Variants in ADAM18 observed in about 807,000 individuals in gnomAD.
The protein encoded by ADAM18 is disintegrin and metalloproteinase domain-containing protein 18.
Under a neutral mutation model 94.4 loss-of-function variants are expected in ADAM18, and 117 were observed. That is an observed-to-expected ratio of 1.24 (90% CI 1.07 to 1.45). The LOEUF (loss-of-function observed/expected upper bound fraction) is 1.45. Ranked by LOEUF, ADAM18 falls within the 40% of genes most tolerant of loss-of-function variation. The pLI is 0.00. For synonymous variants in ADAM18, 327 were observed against 291.6 expected, an observed-to-expected ratio of 1.12 and a Z score of -1.24; for missense variants, 936 against 880.0, an observed-to-expected ratio of 1.06 and a Z score of -0.81.
chr8:39,716,943 T>C (rs955795324), intron 18 of ADAM18, among the ~76,000 whole-genome samples: 1 of 151,956 alleles, frequency 6.6e-6, no homozygotes, highest in African/African-American at 2.4e-5. Context: ...ACATAAAGAC[T>C]TTGTCTACTG....
At chr8:39,660,053 A>G (rs201101961) in intron 12 of ADAM18, among the ~76,000 whole-genome samples, 1 of 152,266 alleles carries the variant, frequency 6.6e-6, no homozygotes. Flanking sequence ...TAACTATAAG[A>G]TATTTTATGT....
chr8:39,593,437 A>G (rs1818639059), intron 2 of ADAM18, among the ~76,000 whole-genome samples: 1 of 152,174 alleles, frequency 6.6e-6, no homozygotes, highest in African/African-American at 2.4e-5. Context: ...CGAGTAGCCA[A>G]AGCAATACTG....
intron 12 of ADAM18, among the ~76,000 whole-genome samples, chr8:39,649,187 T>C (rs2129579623): frequency 6.6e-6 from 1 of 152,156 alleles, no homozygotes; most frequent in East Asian, 1.9e-4. Flanking sequence ...CACGAATTCC[T>C]CCTCCCTACA....
At chr8:39,711,935 A>C (rs1822415141) in intron 18 of ADAM18, among the ~76,000 whole-genome samples, 1 of 152,104 alleles carries the variant, frequency 6.6e-6, no homozygotes, top group African/African-American at 2.4e-5. Context: ...CAAACAGGAC[A>C]AATTCAGGGC....
At chr8:39,698,470 C>T (rs575182352) in intron 17 of ADAM18, among the ~76,000 whole-genome samples, 16 of 151,784 alleles carry the variant, frequency 1.1e-4, no homozygotes, top group Admixed American at 3.3e-4. Flanking sequence ...GTATTGACAC[C>T]CAGCTAGTGT....
At chr8:39,586,798 ATC>A (rs1563263582) in intron 2 of ADAM18, among the ~76,000 whole-genome samples, 2 of 138,064 alleles carry the variant, frequency 1.4e-5, no homozygotes, top group South Asian at 2.3e-4. Context: ...CTATCTATCT[ATC>A]TATATCTATC....
intron 12 of ADAM18, among the ~76,000 whole-genome samples, chr8:39,660,280 G>A (rs1014566616): frequency 6.6e-6 from 1 of 152,088 alleles, no homozygotes; most frequent in African/African-American, 2.4e-5. Flanking sequence ...AAATGGATTC[G>A]ATTATTGAAT....
At chr8:39,729,375 G>C (rs908987787) in intron 19 of ADAM18, among the ~76,000 whole-genome samples, 1 of 152,090 alleles carries the variant, frequency 6.6e-6, no homozygotes, top group African/African-American at 2.4e-5. Context: ...TAAGGAAATT[G>C]TGAAAAAATT....
intron 12 of ADAM18, among the ~76,000 whole-genome samples, chr8:39,657,611 T>C (rs888288588): frequency 6.6e-6 from 1 of 152,184 alleles, no homozygotes; most frequent in Non-Finnish European, 1.5e-5. Flanking sequence ...CCACAGTGCC[T>C]GGCCTAGTTA....
chr8:39,657,262 A>T (rs943768141), intron 12 of ADAM18, among the ~76,000 whole-genome samples: 2 of 152,218 alleles, frequency 1.3e-5, no homozygotes, highest in African/African-American at 4.8e-5. Context: ...AAAAGTCAAG[A>T]TCACATTTCC....
At chr8:39,659,738 C>A (rs1351157384) in intron 12 of ADAM18, among the ~76,000 whole-genome samples, 1 of 151,956 alleles carries the variant, frequency 6.6e-6, no homozygotes, top group Non-Finnish European at 1.5e-5. Context: ...TATCTAATAG[C>A]AAGGGAACTT....
At chr8:39,673,379 T>A (rs1245347852) in intron 14 of ADAM18, among the ~76,000 whole-genome samples, 1 of 152,148 alleles carries the variant, frequency 6.6e-6, no homozygotes, top group Non-Finnish European at 1.5e-5. Context: ...GCAGGTTTGA[T>A]ACATAGATAT....
intron 7 of ADAM18, among the ~76,000 whole-genome samples, chr8:39,633,533 G>C (rs988675457): frequency 9.2e-5 from 14 of 152,128 alleles, no homozygotes; most frequent in African/African-American, 2.9e-4. Context: ...AGCTCAGATG[G>C]AAGTGAGGTC....
chr8:39,632,526 A>G (rs560536449), intron 7 of ADAM18, among the ~76,000 whole-genome samples: 38 of 152,222 alleles, frequency 2.5e-4, no homozygotes, highest in African/African-American at 8.2e-4. Flanking sequence ...ATCACATTTT[A>G]ATCAATTTTT....
At chr8:39,634,381 A>G (rs1199955639) in intron 7 of ADAM18, among the ~76,000 whole-genome samples, 2 of 152,154 alleles carry the variant, frequency 1.3e-5, no homozygotes, top group Middle Eastern at 3.2e-3. Context: ...ACAACACCCC[A>G]GAACTATAGA....
chr8:39,606,621 G>A (rs953122705), intron 3 of ADAM18, among the ~76,000 whole-genome samples: 4 of 152,058 alleles, frequency 2.6e-5, no homozygotes, highest in Non-Finnish European at 5.9e-5. Flanking sequence ...CATATAAGCC[G>A]TTGAACCCAA....
chr8:39,661,157 T>C lies in ADAM18; in HGVS notation c.1231-2638T>C, dbSNP rs796309413. Reference sequence around the variant, plus strand: ...AAAACAACTGTTTCTTCTTCTTCTTTTTTTTTTTTTTTTTTGAGGGAGTCT... The same window carrying C: ...AAAACAACTGTTTCTTCTTCTTCTTCTTTTTTTTTTTTTTTGAGGGAGTCT... On this transcript the variant is annotated intron_variant, in intron 12 of 19. Transcript: ENST00000265707. Among the ~76,000 whole-genome samples the C allele has an allele frequency of 7.7e-3, 1,102 of 143,816 alleles. 13 individuals carry two copies. The highest frequency in any genetic ancestry group is 0.025 in the African/African-American group (966 of 37,960). 94.3% of individuals were successfully genotyped at this position (143,816 alleles called of 152,430 possible).
chr8:39,617,368 A>T (rs1017406381), intron 6 of ADAM18, among the ~76,000 whole-genome samples: 1 of 152,206 alleles, frequency 6.6e-6, no homozygotes, highest in African/African-American at 2.4e-5. Flanking sequence ...CTGTGGAGAA[A>T]AGGGAACACT....
intron 2 of ADAM18, among the ~76,000 whole-genome samples, chr8:39,604,306 G>T (rs1818998283): frequency 6.6e-6 from 1 of 152,114 alleles, no homozygotes; most frequent in South Asian, 2.1e-4. Flanking sequence ...GAAAATTATA[G>T]AACTAGTTTT....
Sources: gnomAD v4.1 joint callset for allele counts (sites outside exome capture counted in the v4.1 genomes callset) on GRCh38, gnomAD v4.1.1 for gene constraint, MANE v1.5 for transcripts, NCBI Gene and HGNC (gene_info 2026-07-23, HGNC 2026-07-21) for gene names.